CPNE3: variants seen among roughly 807,000 people sequenced by gnomAD.
The protein encoded by CPNE3 is copine 3, also known as copine-3.
Under a neutral mutation model 63.9 loss-of-function variants are expected in CPNE3, and 68 were observed. The observed-to-expected ratio is 1.06, with a 90% CI of 0.87 to 1.30. The LOEUF is 1.30. CPNE3 is among the 50% of genes most tolerant of loss of function. The pLI, the probability that CPNE3 is intolerant of heterozygous loss-of-function variation, is 0.00. For missense variants in CPNE3, 665 were observed against 578.1 expected (o/e 1.15, Z -1.54); for synonymous variants, 219 against 197.5 (o/e 1.11, Z -0.91).
chr8:86,556,168 A>G lies in CPNE3; in HGVS notation c.1321A>G (p.Ile441Val), dbSNP rs768025237. 4 of 873,020 alleles carry G rather than the reference A, an allele frequency of 4.6e-6. No individual in the cohort carries two copies. The highest frequency in any genetic ancestry group is 2.6e-5 in the South Asian group (2 of 76,538). The allele number at this position is 873,020 out of a possible 1,614,324, so 54.1% of individuals were successfully genotyped here. A position where few individuals can be genotyped will look rare whatever the true frequency, so the allele number is the denominator to read the frequency against. The change falls in exon 16 of 17, where the codon ATA (isoleucine) becomes GTA (valine). Residue 441 changes from isoleucine to valine, a missense_variant. Transcript: ENST00000517490. The part of the protein sequence containing the change: ...ITDLDETRQA[I>V]VNASRLPMSI... ...AGACCTTGATGAAACCAGACAAGCTATAGTTAATGCCTCCAGGCTGCCTAT... is the reference window on the plus strand; with the variant it reads ...AGACCTTGATGAAACCAGACAAGCTGTAGTTAATGCCTCCAGGCTGCCTAT...
intron 11 of CPNE3, 48 bp downstream of exon 11, chr8:86,547,818 G>A (rs1216967144): frequency 4.5e-6 from 4 of 882,274 alleles, no homozygotes; most frequent in Non-Finnish European, 7.5e-6. Flanking sequence ...CCTCCATGTT[G>A]CAGTATATTT....
intron 2 of CPNE3, among the ~76,000 whole-genome samples, chr8:86,517,614 A>G (rs1563682654): frequency 6.6e-6 from 1 of 152,262 alleles, no homozygotes; most frequent in Non-Finnish European, 1.5e-5. Flanking sequence ...TATTGTCAAA[A>G]CAATTTTATA....
At chr8:86,552,764 T>C (rs1051078815) in intron 14 of CPNE3, among the ~76,000 whole-genome samples, 1 of 151,500 alleles carries the variant, frequency 6.6e-6, no homozygotes, top group Non-Finnish European at 1.5e-5. Flanking sequence ...ATAGAAAGGG[T>C]TTTGGCATAA....
chr8:86,514,909 G>A (rs1820242220), intron 1 of CPNE3, among the ~76,000 whole-genome samples: 3 of 152,218 alleles, frequency 2.0e-5, no homozygotes, highest in Admixed American at 6.5e-5. Flanking sequence ...AGAGGGTCGG[G>A]CTTGTGGCCC....
At chr8:86,551,395 G>T in intron 14 of CPNE3, 161 bp downstream of exon 14, 1 of 611,880 alleles carries the variant, frequency 1.6e-6, no homozygotes, top group South Asian at 2.2e-5. Context: ...GTATAAGGTA[G>T]AAGAATTGCA....
chr8:86,528,141 G>C (rs551538089), intron 2 of CPNE3, among the ~76,000 whole-genome samples: 86 of 151,690 alleles, frequency 5.7e-4, no homozygotes, highest in Non-Finnish European at 9.9e-4. Context: ...GTAGAGACGA[G>C]GTCTTGCTGT....
chr8:86,540,998 T>A lies in CPNE3; in HGVS notation c.633+664T>A, dbSNP rs1413119197. ...TGAAAAATATATACATACATATACA[T>A]AAAAGAAACTTTTGTACTAGAATTA... On this transcript the variant is annotated intron_variant, in intron 8 of 16. Coordinates refer to ENST00000517490, the MANE Select transcript of CPNE3 (RefSeq NM_003909.5). Among the ~76,000 whole-genome samples, 2 of 152,170 alleles carry A rather than the reference T, an allele frequency of 1.3e-5. 1 individual carries two copies. The highest frequency in any genetic ancestry group is 4.8e-5 in the African/African-American group (2 of 41,458).
Position 86,528,520 on chromosome 8 carries a change from T to G in CPNE3, c.-10-16T>G. The G allele has an allele frequency of 1.2e-6, 2 of 1,610,850 alleles. No individual in the cohort carries two copies. Among genetic ancestry groups the G allele is most frequent in the Non-Finnish European group, 1.7e-6 (2 of 1,179,270 alleles). The stretch of plus-strand genomic sequence containing the variant: ...GCACTGTTTTACTTGCTTTCTCTTT[T>G]TATTGGTTTTCTCAGAACTCAAGAC... On this transcript the variant is annotated splice_polypyrimidine_tract_variant and intron_variant, in intron 2 of 16. Transcript: ENST00000517490.
chr8:86,544,488 C>T (rs544787118), intron 8 of CPNE3, among the ~76,000 whole-genome samples: 3 of 152,176 alleles, frequency 2.0e-5, no homozygotes, highest in South Asian at 2.1e-4. Context: ...GGAATTGAAA[C>T]AGTATTTGTG....
chr8:86,533,511 C>A (rs780544321), intron 6 of CPNE3, among the ~76,000 whole-genome samples: 9 of 151,690 alleles, frequency 5.9e-5, no homozygotes, highest in Non-Finnish European at 1.3e-4. Flanking sequence ...TGTAATGGAA[C>A]AAGACTCTGT....
Position 86,537,168 on chromosome 8 carries a change from G to T in CPNE3, c.460-395G>T, listed in dbSNP as rs566994286. On this transcript the variant is annotated intron_variant, in intron 6 of 16. Coordinates refer to ENST00000517490, the MANE Select transcript of CPNE3 (RefSeq NM_003909.5). ...TGAATCCATTTTCTCACTGATAACT[G>T]CCCTGTCTCCATAGAGTTGGTATGG... Among the ~76,000 whole-genome samples, 7 of 152,234 alleles carry T rather than the reference G, an allele frequency of 4.6e-5. No individual in the cohort carries two copies. In the South Asian group the frequency reaches 1.0e-3, roughly 23 times the overall value.
chr8:86,529,611 C>T (rs1820624520), intron 4 of CPNE3, among the ~76,000 whole-genome samples: 1 of 152,180 alleles, frequency 6.6e-6, no homozygotes, highest in African/African-American at 2.4e-5. Context: ...CTTTCCTGAG[C>T]TCACTTGGTA....
chr8:86,522,398 G>A lies in CPNE3; in HGVS notation c.-10-6138G>A, dbSNP rs968167929. 7.2e-5 allele frequency among the ~76,000 whole-genome samples: 11 copies of A among 152,006 alleles called. No individual in the cohort carries two copies. In the East Asian group the frequency reaches 7.7e-4, roughly 11 times the overall value. On this transcript the variant is annotated intron_variant, in intron 2 of 16. Coordinates refer to ENST00000517490, the MANE Select transcript of CPNE3 (RefSeq NM_003909.5). The stretch of plus-strand genomic sequence containing the variant: ...AATTTGATTATAATGAGCTACAAGC[G>A]CTTCTGTTGCTGTATAATGTCCCTG...
At chr8:86,535,573 C>T (rs536681660) in intron 6 of CPNE3, among the ~76,000 whole-genome samples, 1 of 152,056 alleles carries the variant, frequency 6.6e-6, no homozygotes, top group African/African-American at 2.4e-5. Flanking sequence ...GAGGATGAGG[C>T]ATGAGAATTG....
chr8:86,528,756 T>G (rs1820599536), intron 3 of CPNE3, 79 bp downstream of exon 3: 1 of 1,479,964 alleles, frequency 6.8e-7, no homozygotes, highest in Admixed American at 2.4e-5. Context: ...ATGTTAAAAA[T>G]AACAACACTA....
At chr8:86,516,945 C>T (rs1402722025) in intron 2 of CPNE3, among the ~76,000 whole-genome samples, 3 of 152,174 alleles carry the variant, frequency 2.0e-5, no homozygotes, top group Non-Finnish European at 4.4e-5. Flanking sequence ...CTCACCAAAG[C>T]ATGATATTTC....
chr8:86,521,961 C>T (rs1211988089), intron 2 of CPNE3, among the ~76,000 whole-genome samples: 2 of 150,922 alleles, frequency 1.3e-5, no homozygotes, highest in Non-Finnish European at 3.0e-5. Context: ...TTTGGAAGCA[C>T]TTTGAAAATT....
chr8:86,533,709 A>C (rs1383619257), intron 6 of CPNE3, among the ~76,000 whole-genome samples: 2 of 152,032 alleles, frequency 1.3e-5, no homozygotes, highest in Non-Finnish European at 2.9e-5. Context: ...AATTTCATTT[A>C]ATCTCTACCC....
At chr8:86,553,236 C>T (rs1821233618) in intron 14 of CPNE3, among the ~76,000 whole-genome samples, 1 of 151,890 alleles carries the variant, frequency 6.6e-6, no homozygotes, top group Admixed American at 6.6e-5. Context: ...CATGTAAAAT[C>T]ACCCCTGCCT....
Sources: allele counts gnomAD v4.1 joint callset (sites outside exome capture counted in the v4.1 genomes callset), GRCh38; gene constraint gnomAD v4.1.1; transcripts MANE v1.5; gene names NCBI Gene and HGNC (gene_info 2026-07-23, HGNC 2026-07-21).